Variants in TNFAIP8L3 observed in about 807,000 individuals in gnomAD.
TNFAIP8L3 encodes the protein tumor necrosis factor alpha-induced protein 8-like protein 3.
A neutral mutation model predicts 11.8 loss-of-function variants in TNFAIP8L3; 7 were observed. The observed-to-expected ratio is 0.59, with a 90% CI of 0.34 to 1.11. The LOEUF (loss-of-function observed/expected upper bound fraction) is 1.11, where lower values mean the gene tolerates loss of function less well. TNFAIP8L3 is among the 50% of genes most tolerant of loss of function. TNFAIP8L3 has a pLI of 0.03. For missense variants in TNFAIP8L3, 219 were observed against 258.6 expected (o/e 0.85, Z 1.05); for synonymous variants, 98 against 103.8 (o/e 0.94, Z 0.34).
chr15:51,067,407 G>C (rs1595607622), intron 1 of TNFAIP8L3, among the ~76,000 whole-genome samples: 1 of 150,682 alleles, frequency 6.6e-6, no homozygotes, highest in Admixed American at 6.6e-5. Flanking sequence ...CAGCTTGTGG[G>C]ACTCATGGGG....
Position 51,094,492 on chromosome 15 carries a change from C to T in TNFAIP8L3, c.52+52G>A, listed in dbSNP as rs1314535223. 2.8e-6 allele frequency: 4 copies of T among 1,419,392 alleles called. No individual in the cohort carries two copies. Among genetic ancestry groups the T allele is most frequent in the Non-Finnish European group, 3.7e-6 (4 of 1,088,764 alleles). The allele number at this position is 1,419,392 out of a possible 1,614,324, so 87.9% of individuals were successfully genotyped here. A position where few individuals can be genotyped will look rare whatever the true frequency, so the allele number is the denominator to read the frequency against. On this transcript the variant is annotated intron_variant, in intron 1 of 1. Transcript: ENST00000637513. This position sits in a 1 kb window ranked among gnomAD's most constrained non-coding sequence, Gnocchi z 4.4. ...TTCCCGATTTCATGCCCCAGCCTCC[C>T]GTCCTCCCCAGCCCCAGCCCACCCG...
chr15:51,103,226 C>T (rs1380553308), intron 1 of TNFAIP8L3, among the ~76,000 whole-genome samples: 1 of 152,222 alleles, frequency 6.6e-6, no homozygotes, highest in Non-Finnish European at 1.5e-5. Flanking sequence ...GCCTGGTTGC[C>T]ATAAGCCTTT....
chr15:51,061,044 G>A (rs529008038), intron 1 of TNFAIP8L3, among the ~76,000 whole-genome samples: 4 of 152,334 alleles, frequency 2.6e-5, no homozygotes, highest in East Asian at 3.9e-4. Flanking sequence ...TCTGAAACAC[G>A]AGAATTGCTT....
At chr15:51,102,036 T>A (rs567252815) in intron 1 of TNFAIP8L3, among the ~76,000 whole-genome samples, 1 of 150,718 alleles carries the variant, frequency 6.6e-6, no homozygotes, top group African/African-American at 2.4e-5. Context: ...CATGTACCAG[T>A]GGTACAGGAA....
upstream of TNFAIP8L3, among the ~76,000 whole-genome samples, chr15:51,096,341 A>G (rs1313550874): frequency 2.0e-5 from 3 of 152,206 alleles, no homozygotes; most frequent in Admixed American, 6.5e-5. Flanking sequence ...TTGGATGGAT[A>G]TTGATGAAAT....
At chr15:51,089,049 G>A (rs1041869030) in intron 1 of TNFAIP8L3, among the ~76,000 whole-genome samples, 1 of 152,174 alleles carries the variant, frequency 6.6e-6, no homozygotes, top group African/African-American at 2.4e-5. Flanking sequence ...AGGCTGTTGG[G>A]TCTACATGGT....
chr15:51,101,239 T>C (rs934212393), intron 1 of TNFAIP8L3, among the ~76,000 whole-genome samples: 1 of 152,238 alleles, frequency 6.6e-6, no homozygotes, highest in African/African-American at 2.4e-5. Flanking sequence ...TTCCTGCTGC[T>C]GCTAATGCCT....
At position 51,094,773 on chromosome 15, in the gene TNFAIP8L3, C is replaced by CCCG. The variant is rs957449314; in HGVS notation, c.-179_-178insCGG. On this transcript the variant is annotated 5_prime_UTR_variant, in exon 1 of 2. Transcript: ENST00000637513. This position sits in a 1 kb window ranked among gnomAD's most constrained non-coding sequence, Gnocchi z 4.4. ...GGCGGCTCCGCAGAGGCGAGCGCCG[C>CCCG]CGCGCCCCGCTCCCCGCGCCCGCCG... is the stretch of plus-strand genomic sequence containing the variant. 114 of 758,944 alleles carry CCCG rather than the reference C, an allele frequency of 1.5e-4. 1 individual carries two copies. The Middle Eastern group carries it at 3.3e-3, about 22-fold the overall frequency. 47.0% of individuals were successfully genotyped at this position (758,944 alleles called of 1,614,324 possible).
At position 51,058,072 on chromosome 15, in the gene TNFAIP8L3, T is replaced by G. The variant is rs974796338; in HGVS notation, c.424A>C (p.Lys142Gln). The G allele has an allele frequency of 4.3e-6, 7 of 1,614,128 alleles. No homozygotes were observed. Among genetic ancestry groups the G allele is most frequent in the Non-Finnish European group, 5.1e-6 (6 of 1,180,002 alleles). The change falls in exon 2 of 2, where the codon AAG becomes CAG. Residue 142 changes from lysine (K) to glutamine (Q), a missense_variant. Transcript: ENST00000637513. ...NVLSNLLHEC[K>Q]DLVHELVQRH... is the part of the protein sequence containing the mutation. ...TGCACCAGTTCATGCACCAGGTCCT[T>G]GCACTCATGCAGGAGATTGGAGAGC... is the stretch of plus-strand genomic sequence containing the variant.
At chr15:51,060,315 T>G (rs868146930) in intron 1 of TNFAIP8L3, among the ~76,000 whole-genome samples, 1 of 152,238 alleles carries the variant, frequency 6.6e-6, no homozygotes, top group African/African-American at 2.4e-5. Flanking sequence ...TTGAAGTCAA[T>G]TCCACAGATG....
exon 1 of TNFAIP8L3, chr15:51,105,176 T>G (rs761671859): frequency 1.9e-6 from 3 of 1,613,372 alleles, no homozygotes; most frequent in Non-Finnish European, 2.5e-6. Flanking sequence ...GGTTTCCCCA[T>G]TTGGACTCAG....
chr15:51,099,023 T>G (rs959833604), upstream of TNFAIP8L3, among the ~76,000 whole-genome samples: 1 of 152,236 alleles, frequency 6.6e-6, no homozygotes, highest in East Asian at 1.9e-4. Context: ...TTCGTTTTCC[T>G]TGGGAGAGAG....
chr15:51,064,729 G>A (rs1262559910), intron 1 of TNFAIP8L3: 1 of 152,200 alleles, frequency 6.6e-6, no homozygotes, highest in Non-Finnish European at 1.5e-5. Context: ...TCTGCACATG[G>A]AAATCTTGGC....
intron 1 of TNFAIP8L3, among the ~76,000 whole-genome samples, chr15:51,087,782 AT>A (rs772609513): frequency 6.6e-6 from 1 of 151,848 alleles, no homozygotes; most frequent in Non-Finnish European, 1.5e-5. Flanking sequence ...GCTCAAATTT[AT>A]TCCCAGGCAA....
At chr15:51,073,808 T>C (rs1367707518) in intron 1 of TNFAIP8L3, among the ~76,000 whole-genome samples, 1 of 152,234 alleles carries the variant, frequency 6.6e-6, no homozygotes, top group East Asian at 1.9e-4. Flanking sequence ...TGGGTTTTGA[T>C]GGATACCCCT....
intron 1 of TNFAIP8L3, among the ~76,000 whole-genome samples, chr15:51,090,732 C>G (rs2065462122): frequency 6.6e-6 from 1 of 152,126 alleles, no homozygotes; most frequent in Non-Finnish European, 1.5e-5. Flanking sequence ...AGTTAGGGGC[C>G]TGGTGTTTTC....
intron 1 of TNFAIP8L3, among the ~76,000 whole-genome samples, chr15:51,091,042 T>TTGCCAAAGGAAAGAGTGCCAAGTTGGGTC (rs2065465293): frequency 6.6e-6 from 1 of 152,186 alleles, no homozygotes; most frequent in Admixed American, 6.5e-5. Flanking sequence ...GATGGTGGGT[T>TTGCCAAAGGAAAGAGTGCCAAGTTGGGTC]TGCCAAAGGA....
chr15:51,094,718 C>T lies in TNFAIP8L3; in HGVS notation c.-123G>A, dbSNP rs2065499076. ...GCCCGGGCGGCGCGGGCGGCGCGGG[C>T]TGGGCGGTGCGCGGCGGCAGCGGCC... On this transcript the variant is annotated 5_prime_UTR_variant, in exon 1 of 2. Transcript: ENST00000637513. This position sits in a 1 kb window ranked among gnomAD's most constrained non-coding sequence, Gnocchi z 4.4. The T allele has an allele frequency of 1.0e-6, 1 of 987,038 alleles. No homozygotes were observed. The highest frequency in any genetic ancestry group is 1.2e-6 in the Non-Finnish European group (1 of 832,800). 61.1% of individuals were successfully genotyped at this position (987,038 alleles called of 1,614,324 possible).
At chr15:51,096,884 G>A (rs1432882971), upstream of TNFAIP8L3, among the ~76,000 whole-genome samples, 3 of 115,986 alleles carry the variant, frequency 2.6e-5, no homozygotes, top group South Asian at 2.7e-4. Flanking sequence ...AGAGCAACAC[G>A]CTGTCTCAAA....
Sources: allele counts gnomAD v4.1 joint callset (sites outside exome capture counted in the v4.1 genomes callset), GRCh38; gene constraint gnomAD v4.1.1; non-coding constraint Gnocchi (gnomAD v3.1); transcripts MANE v1.5; gene names NCBI Gene and HGNC (gene_info 2026-07-23, HGNC 2026-07-21).